MSRA: variants seen among roughly 807,000 people sequenced by gnomAD.
MSRA encodes the protein methionine sulfoxide reductase A.
MSRA carries 54 observed loss-of-function variants against 31.3 expected under a neutral mutation model. The observed-to-expected ratio is 1.73, with a 90% CI of 1.39 to 2.17. The LOEUF (loss-of-function observed/expected upper bound fraction) is 2.17, where lower values mean the gene tolerates loss of function less well. Among genes scored for constraint, MSRA ranks in the 30% most tolerant of loss-of-function variants. The pLI is 0.00. For missense variants in MSRA, 507 were observed against 300.9 expected (o/e 1.69, Z -5.07); for synonymous variants, 169 against 116.5 (o/e 1.45, Z -2.90).
intron 1 of MSRA, among the ~76,000 whole-genome samples, chr8:10,110,354 T>G (rs1800189870): frequency 6.6e-6 from 1 of 152,186 alleles, no homozygotes; most frequent in African/African-American, 2.4e-5. Flanking sequence ...GATTTGTGGC[T>G]TGTTCTCCAG....
intron 5 of MSRA, among the ~76,000 whole-genome samples, chr8:10,350,199 G>A (rs1407939662): frequency 6.6e-6 from 1 of 152,242 alleles, no homozygotes; most frequent in Non-Finnish European, 1.5e-5. Flanking sequence ...TTTGAATTCT[G>A]ATGCTTCTCA....
intron 1 of MSRA, among the ~76,000 whole-genome samples, chr8:10,181,697 A>G (rs910715672): frequency 1.3e-5 from 2 of 152,192 alleles, no homozygotes; most frequent in Non-Finnish European, 2.9e-5. Flanking sequence ...CAGAGGAAAT[A>G]GATGAACTTG....
At chr8:10,171,307 G>T (rs1489372276) in intron 1 of MSRA, among the ~76,000 whole-genome samples, 1 of 150,302 alleles carries the variant, frequency 6.7e-6, no homozygotes, top group Non-Finnish European at 1.5e-5. Flanking sequence ...ACACTCCCTA[G>T]TCCTGAAAAA....
In MSRA at chr8:10,320,087, G is replaced by T. The variant is rs185262431; in HGVS notation, c.543+98G>T. 1.7e-5 allele frequency: 12 copies of T among 712,776 alleles called. No homozygotes were observed. The African/African-American group carries it at 2.0e-4, about 12-fold the overall frequency. The allele number at this position is 712,776 out of a possible 1,614,324, so 44.2% of individuals were successfully genotyped here. On this transcript the variant is annotated intron_variant, in intron 5 of 5. Coordinates refer to ENST00000317173, the MANE Select transcript of MSRA (RefSeq NM_012331.5). ...AGTCTGCTGCTTTTCAACTGGAATT[G>T]TGTTTTATTTGCACATCTCTTAGAA... is the stretch of plus-strand genomic sequence containing the variant.
At chr8:10,178,553 C>T (rs1178881372) in intron 1 of MSRA, among the ~76,000 whole-genome samples, 3 of 152,126 alleles carry the variant, frequency 2.0e-5, no homozygotes, top group Non-Finnish European at 4.4e-5. Context: ...GTTATAAGTG[C>T]AGCGATGAAG....
At chr8:10,277,438 G>A (rs1029289841) in intron 3 of MSRA, among the ~76,000 whole-genome samples, 16 of 152,092 alleles carry the variant, frequency 1.1e-4, no homozygotes, top group African/African-American at 3.9e-4. Flanking sequence ...TCTAAGAATA[G>A]GAAATTGAGG....
At chr8:10,290,993 GGGT>G (rs1800202904) in intron 3 of MSRA, among the ~76,000 whole-genome samples, 2 of 152,152 alleles carry the variant, frequency 1.3e-5, no homozygotes, top group Non-Finnish European at 2.9e-5. Flanking sequence ...CCAGCTCAAA[GGGT>G]TAGCATTGGG....
At position 10,070,446 on chromosome 8, in the gene MSRA, A is replaced by C. The variant is rs575298730; in HGVS notation, c.142+15788A>C. ...AAGTTTTAAATTTTGAGATAATGTT[A>C]GATTTACATGCAGTAGTTAGAAGTA... On this transcript the variant is annotated intron_variant, in intron 1 of 5. Coordinates refer to ENST00000317173, the MANE Select transcript of MSRA (RefSeq NM_012331.5). Among the ~76,000 whole-genome samples, 7 of 152,356 alleles carry C rather than the reference A, an allele frequency of 4.6e-5. No individual in the cohort carries two copies. The South Asian group carries it at 1.4e-3, about 32-fold the overall frequency.
chr8:10,058,245 CT>C (rs1802504874), intron 1 of MSRA, among the ~76,000 whole-genome samples: 1 of 151,890 alleles, frequency 6.6e-6, no homozygotes, highest in South Asian at 2.1e-4. Context: ...CAAAAGGTGG[CT>C]CTTTGAAAAA....
At chr8:10,406,183 G>A (rs572176582) in intron 5 of MSRA, among the ~76,000 whole-genome samples, 1 of 152,240 alleles carries the variant, frequency 6.6e-6, no homozygotes, top group Non-Finnish European at 1.5e-5. Context: ...GGGAGAGAGT[G>A]TGTGTTCACA....
intron 1 of MSRA, among the ~76,000 whole-genome samples, chr8:10,203,448 G>T (rs1297565580): frequency 6.6e-6 from 1 of 152,182 alleles, no homozygotes; most frequent in Non-Finnish European, 1.5e-5. Flanking sequence ...ACCAACAAGG[G>T]ATTATGTATA....
intron 2 of MSRA, among the ~76,000 whole-genome samples, chr8:10,244,504 C>T (rs964477802): frequency 1.3e-5 from 2 of 152,158 alleles, no homozygotes; most frequent in Admixed American, 6.5e-5. Context: ...CCAAACCCTT[C>T]TCCTGCGTTC....
chr8:10,208,847 C>G (rs529084775), intron 2 of MSRA, among the ~76,000 whole-genome samples: 13 of 152,328 alleles, frequency 8.5e-5, no homozygotes, highest in African/African-American at 3.1e-4. Flanking sequence ...ATGGTAATCT[C>G]CTTTGAGGGT....
rs936333553 is a variant in MSRA, at chr8:10,193,368, C to T, written c.143-14465C>T. Among the ~76,000 whole-genome samples the T allele has an allele frequency of 2.0e-5, 3 of 152,202 alleles. No individual in the cohort carries two copies. The South Asian group carries it at 6.2e-4, about 32-fold the overall frequency. ...AGTGGGTTCAGTGTGAGGCCGCCTC[C>T]TCTGTCTCCCCTGTGTTTGATATTT... is the stretch of plus-strand genomic sequence containing the variant. On this transcript the variant is annotated intron_variant, in intron 1 of 5. Coordinates refer to ENST00000317173, the MANE Select transcript of MSRA (RefSeq NM_012331.5).
chr8:10,359,796 C>A (rs958401392), intron 5 of MSRA, among the ~76,000 whole-genome samples: 48 of 152,298 alleles, frequency 3.2e-4, no homozygotes, highest in African/African-American at 1.1e-3. Context: ...GGCCCTTTTG[C>A]AAAGTTTGCC....
chr8:10,252,710 C>A (rs370567646), intron 3 of MSRA, among the ~76,000 whole-genome samples: 21 of 152,310 alleles, frequency 1.4e-4, no homozygotes, highest in African/African-American at 5.1e-4. Context: ...GATTTGTCCA[C>A]GAAGCATGGG....
intron 5 of MSRA, among the ~76,000 whole-genome samples, chr8:10,385,329 T>C (rs1383088455): frequency 6.6e-6 from 1 of 152,112 alleles, no homozygotes; most frequent in East Asian, 1.9e-4. Flanking sequence ...CTTACTAAAA[T>C]TGGACAACGC....
intron 1 of MSRA, among the ~76,000 whole-genome samples, chr8:10,158,604 G>C (rs13439533): frequency 0.023 from 3,508 of 152,318 alleles, 137 homozygotes; most frequent in African/African-American, 0.081. Context: ...TAATTGTATG[G>C]AGACACCACA....
chr8:10,409,058 A>G (rs952655409), intron 5 of MSRA, among the ~76,000 whole-genome samples: 1 of 152,068 alleles, frequency 6.6e-6, no homozygotes, highest in African/African-American at 2.4e-5. Context: ...TCATGTAATG[A>G]TTTATTTTCC....
Sources: allele counts gnomAD v4.1 joint callset (sites outside exome capture counted in the v4.1 genomes callset), GRCh38; gene constraint gnomAD v4.1.1; transcripts MANE v1.5; gene names NCBI Gene and HGNC (gene_info 2026-07-23, HGNC 2026-07-21).